Variants in RAI1 observed in about 807,000 individuals in gnomAD.
RAI1 encodes the protein retinoic acid-induced protein 1.
Under a neutral mutation model 123.8 loss-of-function variants are expected in RAI1, and 9 were observed. The ratio of observed to expected loss-of-function variants is 0.07; its 90% CI spans 0.04 to 0.13. The LOEUF is 0.13. Among genes scored for constraint, RAI1 ranks in the 10% least tolerant of loss-of-function variants. RAI1 has a pLI of 1.00. For synonymous variants in RAI1, 1,231 were observed against 1,127.3 expected (o/e 1.09, Z -1.84); for missense variants, 2,256 against 2,545.8 (o/e 0.89, Z 2.45).
In RAI1 at chr17:17,793,795, C is replaced by CAGCAGCAGA; in HGVS notation, c.855_856insAAGCAGCAG (p.Gln285_Gln286insLysGlnGln). On this transcript the variant is annotated inframe_insertion, in exon 3 of 6. Transcript: ENST00000353383. ...CAGCTATGACCAGCAGCAGCAGCAG[C>CAGCAGCAGA]AGCAGCAGCAGCAGCAGCAGCAGCA... is the stretch of plus-strand genomic sequence containing the variant. The CAGCAGCAGA allele has an allele frequency of 6.3e-7, 1 of 1,594,786 alleles. No individual in the cohort carries two copies. The highest frequency in any genetic ancestry group is 8.5e-7 in the Non-Finnish European group (1 of 1,171,172).
intron 2 of RAI1, among the ~76,000 whole-genome samples, chr17:17,751,529 G>A (rs566363493): frequency 6.6e-6 from 1 of 152,346 alleles, no homozygotes; most frequent in East Asian, 1.9e-4. Context: ...AGGAAGGTGA[G>A]GAGGGAAAGT....
At chr17:17,782,373 G>A (rs2031618276) in intron 2 of RAI1, among the ~76,000 whole-genome samples, 1 of 151,992 alleles carries the variant, frequency 6.6e-6, no homozygotes, top group South Asian at 2.1e-4. Context: ...CTCCAGGGGA[G>A]GTGGCGTTGG....
chr17:17,729,072 C>T (rs1459958641), intron 2 of RAI1, among the ~76,000 whole-genome samples: 5 of 152,194 alleles, frequency 3.3e-5, no homozygotes, highest in South Asian at 4.1e-4. Context: ...CTCAGGTCAC[C>T]TTTGCCAACC....
intron 1 of RAI1, among the ~76,000 whole-genome samples, chr17:17,694,817 C>T (rs1598016136): frequency 6.6e-6 from 1 of 150,710 alleles, no homozygotes; most frequent in African/African-American, 2.4e-5. Flanking sequence ...GCATGCTTCG[C>T]GGGGCCGCGG....
rs748915017 is a variant in RAI1, at chr17:17,793,334, C to T, written c.386C>T (p.Pro129Leu). 3 of 1,612,684 alleles carry T rather than the reference C, an allele frequency of 1.9e-6. No homozygotes were observed. The highest frequency in any genetic ancestry group is 2.5e-6 in the Non-Finnish European group (3 of 1,179,792). ...TGGGGGGCCCCACAGCCACCACCCCCACAGCCGCAGCCACTACCTGCAGGG... is the reference window on the plus strand; with the variant it reads ...TGGGGGGCCCCACAGCCACCACCCCTACAGCCGCAGCCACTACCTGCAGGG... ...QAWGAPQPPP[P>L]QPQPLPAGVA... The change falls in exon 3 of 6, where the codon CCA becomes CTA. Residue 129 changes from proline (P) to leucine (L), a missense_variant. Pro to Leu is a moderately conservative substitution (Grantham distance 98). Transcript: ENST00000353383.
rs2032076710 is a variant in RAI1, at chr17:17,792,980, A to T, written c.32A>T (p.His11Leu). 1 of 1,606,016 alleles carries T rather than the reference A, an allele frequency of 6.2e-7. No individual in the cohort carries two copies. Among genetic ancestry groups the T allele is most frequent in the Non-Finnish European group, 8.5e-7 (1 of 1,177,586 alleles). The change falls in exon 3 of 6, where the codon CAT becomes CTT. Residue 11 changes from histidine (H) to leucine (L), a missense_variant. Physicochemically the swap from His to Leu is moderately conservative, Grantham distance 99 (BLOSUM62 -3). Transcript: ENST00000353383. The stretch of plus-strand genomic sequence containing the variant: ...TCTTTTCGAGAAAGGTGTGGTTTCC[A>T]TGGCAAACAACAGAACTACCAGCAG... Reference protein sequence around the residue: MQSFRERCGFHGKQQNYQQTS... With the variant: MQSFRERCGFLGKQQNYQQTS...
At chr17:17,687,335 G>T (rs1002036043) in intron 1 of RAI1, among the ~76,000 whole-genome samples, 3 of 152,148 alleles carry the variant, frequency 2.0e-5, no homozygotes, top group African/African-American at 7.2e-5. Context: ...TCTGGCCTCG[G>T]TCTCATCTGT....
At chr17:17,724,947 TCA>T (rs1190016779) in intron 2 of RAI1, among the ~76,000 whole-genome samples, 1 of 152,042 alleles carries the variant, frequency 6.6e-6, no homozygotes, top group Non-Finnish European at 1.5e-5. Flanking sequence ...CGCCCCAGTC[TCA>T]CGCGCGGTCG....
chr17:17,807,249 TG>T (rs531644381), intron 4 of RAI1, among the ~76,000 whole-genome samples: 676 of 6,740 alleles, frequency 0.1, 6 homozygotes, highest in Middle Eastern at 0.17. Flanking sequence ...AGCCAGGCGG[TG>T]GGGGGGGCGG....
intron 2 of RAI1, among the ~76,000 whole-genome samples, chr17:17,726,301 C>T (rs534302693): frequency 9.1e-4 from 138 of 152,346 alleles, no homozygotes; most frequent in African/African-American, 3.3e-3. Context: ...ACCCTTCCCA[C>T]ACACCCACTC....
In RAI1 at chr17:17,731,517, G is replaced by C. The variant is rs1598041419; in HGVS notation, c.-17+7358G>C. Among the ~76,000 whole-genome samples the C allele has an allele frequency of 2.6e-5, 4 of 152,200 alleles. No homozygotes were observed. The South Asian group carries it at 8.3e-4, about 32-fold the overall frequency. ...ACTGCTTGAAGGGTTTTATCTTGAAGGCAGTGGGAAAAGATGGGTGCTCTG... is the reference window on the plus strand; with the variant it reads ...ACTGCTTGAAGGGTTTTATCTTGAACGCAGTGGGAAAAGATGGGTGCTCTG... On this transcript the variant is annotated intron_variant, in intron 2 of 5. Coordinates refer to ENST00000353383, the MANE Select transcript of RAI1 (RefSeq NM_030665.4).
intron 1 of RAI1, among the ~76,000 whole-genome samples, chr17:17,706,214 G>A (rs1043464932): frequency 1.3e-5 from 2 of 151,958 alleles, no homozygotes; most frequent in African/African-American, 4.8e-5. Context: ...GAGCTGGGGC[G>A]AGGGAAGGAA....
rs2032708503 is a variant in RAI1 at position 17,810,240 on chromosome 17, G to A, written c.*259G>A. On this transcript the variant is annotated 3_prime_UTR_variant, in exon 6 of 6. Coordinates refer to ENST00000353383, the MANE Select transcript of RAI1 (RefSeq NM_030665.4). This position sits in a 1 kb window ranked among gnomAD's most constrained non-coding sequence, Gnocchi z 4.6. ...ACAGGGCGTTCTTGCCCACCCCAGG[G>A]GCCAGGCTTGCGGAGGGGGAGCCCG... 1 of 545,472 alleles carries A rather than the reference G, an allele frequency of 1.8e-6. No homozygotes were observed. The highest frequency in any genetic ancestry group is 2.0e-5 in the African/African-American group (1 of 49,604). 33.8% of individuals were successfully genotyped at this position (545,472 alleles called of 1,614,324 possible). A position where few individuals can be genotyped will look rare whatever the true frequency, so the allele number is the denominator to read the frequency against.
At chr17:17,779,268 GA>G in intron 2 of RAI1, 1 of 308,572 alleles carries the variant, frequency 3.2e-6, no homozygotes, top group East Asian at 8.7e-5. Flanking sequence ...CTGGTCAGCA[GA>G]CTGCGTGTCT....
intron 2 of RAI1, among the ~76,000 whole-genome samples, chr17:17,728,624 CTG>C (rs199958440): frequency 0.012 from 1,894 of 152,236 alleles, 50 homozygotes; most frequent in African/African-American, 0.043. Context: ...ATTTTAGGGA[CTG>C]TCTTCCAGTG....
At chr17:17,804,515 G>C (rs2032559119) in intron 4 of RAI1, among the ~76,000 whole-genome samples, 1 of 152,174 alleles carries the variant, frequency 6.6e-6, no homozygotes. Context: ...ACCAGGTGGG[G>C]AAACTGAGGC....
chr17:17,756,228 G>T (rs2030433108), intron 2 of RAI1, among the ~76,000 whole-genome samples: 1 of 148,462 alleles, frequency 6.7e-6, no homozygotes, highest in Admixed American at 6.7e-5. Flanking sequence ...ACAGAGTTTT[G>T]CTCTTGTTGC....
At chr17:17,686,608 T>TGTGTGTGTGCGCGCGCGC (rs1491248703) in intron 1 of RAI1, among the ~76,000 whole-genome samples, 1 of 137,764 alleles carries the variant, frequency 7.3e-6, no homozygotes, top group Non-Finnish European at 1.6e-5. Flanking sequence ...TGTGTGTGTG[T>TGTGTGTGTGCGCGCGCGC]GCACGCGCGC....
chr17:17,768,905 G>A (rs1471528961), intron 2 of RAI1, among the ~76,000 whole-genome samples: 1 of 152,220 alleles, frequency 6.6e-6, no homozygotes, highest in Non-Finnish European at 1.5e-5. Context: ...GGGGAGAGAG[G>A]AGAGGAGCAA....
Sources: gnomAD v4.1 joint callset for allele counts (sites outside exome capture counted in the v4.1 genomes callset) on GRCh38, gnomAD v4.1.1 for gene constraint, Gnocchi (gnomAD v3.1) non-coding constraint, MANE v1.5 for transcripts, NCBI Gene and HGNC (gene_info 2026-07-23, HGNC 2026-07-21) for gene names.